Variants in CTNND2 observed in about 807,000 individuals in gnomAD.
CTNND2 encodes catenin delta 2.
A neutral mutation model predicts 144.4 loss-of-function variants in CTNND2; 22 were observed. The ratio of observed to expected loss-of-function variants is 0.15; its 90% CI spans 0.11 to 0.22. The LOEUF (loss-of-function observed/expected upper bound fraction) is 0.22. Ranked by LOEUF, CTNND2 falls within the 10% of genes least tolerant of loss-of-function variation. CTNND2 has a pLI of 1.00. For missense variants in CTNND2, 1,353 were observed against 1,618.8 expected (o/e 0.84, Z 2.82); for synonymous variants, 751 against 695.6 (o/e 1.08, Z -1.25).
intron 2 of CTNND2, among the ~76,000 whole-genome samples, chr5:11,714,873 A>G (rs1786264584): frequency 6.6e-6 from 1 of 151,468 alleles, no homozygotes; most frequent in South Asian, 2.1e-4. Flanking sequence ...AGATCCCACC[A>G]CTGCACTCCA....
At chr5:11,684,633 T>C (rs1784562906) in intron 2 of CTNND2, among the ~76,000 whole-genome samples, 1 of 152,222 alleles carries the variant, frequency 6.6e-6, no homozygotes, top group Admixed American at 6.5e-5. Context: ...GTACATGTAC[T>C]GTGCCTCCCA....
intron 13 of CTNND2, among the ~76,000 whole-genome samples, chr5:11,116,292 T>C (rs888648019): frequency 6.6e-6 from 1 of 152,188 alleles, no homozygotes; most frequent in African/African-American, 2.4e-5. Flanking sequence ...CTGTTGTTTG[T>C]TACTGGGGTG....
At chr5:11,622,004 A>G (rs933183832) in intron 2 of CTNND2, among the ~76,000 whole-genome samples, 3 of 152,212 alleles carry the variant, frequency 2.0e-5, no homozygotes, top group Non-Finnish European at 4.4e-5. Context: ...AATTAAAACT[A>G]AACTCAAATT....
chr5:10,979,432 A>C (rs1057320291), intron 21 of CTNND2, among the ~76,000 whole-genome samples: 4 of 152,242 alleles, frequency 2.6e-5, no homozygotes, highest in African/African-American at 9.6e-5. Context: ...CAACACATCA[A>C]ATAGGCCATG....
chr5:11,813,803 C>T (rs964235055), intron 1 of CTNND2, among the ~76,000 whole-genome samples: 3 of 152,178 alleles, frequency 2.0e-5, no homozygotes, highest in Non-Finnish European at 4.4e-5. Context: ...CATGAGCCAC[C>T]CCACTCAGCC....
chr5:11,543,668 T>C (rs1774959793), intron 3 of CTNND2, among the ~76,000 whole-genome samples: 1 of 152,008 alleles, frequency 6.6e-6, no homozygotes, highest in Non-Finnish European at 1.5e-5. Flanking sequence ...AGCAGTTCTT[T>C]TAATGATAAA....
At chr5:11,524,137 G>A (rs112370914) in intron 3 of CTNND2, among the ~76,000 whole-genome samples, 3 of 152,272 alleles carry the variant, frequency 2.0e-5, no homozygotes, top group African/African-American at 7.2e-5. Flanking sequence ...AAAGCCTGGG[G>A]CTGGAATCTG....
At chr5:11,902,282 G>T (rs769110151) in intron 1 of CTNND2, among the ~76,000 whole-genome samples, 1 of 152,124 alleles carries the variant, frequency 6.6e-6, no homozygotes, top group Non-Finnish European at 1.5e-5. Context: ...ACATTTGAGG[G>T]CAGTTTAAAG....
chr5:11,417,583 A>T (rs1157756152), intron 3 of CTNND2, among the ~76,000 whole-genome samples: 1 of 152,242 alleles, frequency 6.6e-6, no homozygotes, highest in African/African-American at 2.4e-5. Context: ...TTTGAGGAAT[A>T]AAAATTAAAC....
At chr5:11,751,612 A>G (rs1788627649) in intron 1 of CTNND2, among the ~76,000 whole-genome samples, 1 of 151,770 alleles carries the variant, frequency 6.6e-6, no homozygotes, top group Admixed American at 6.6e-5. Flanking sequence ...TATCTGCCAC[A>G]CTTTCTTTAA....
chr5:11,472,290 C>T (rs1018622727), intron 3 of CTNND2, among the ~76,000 whole-genome samples: 2 of 152,136 alleles, frequency 1.3e-5, no homozygotes, highest in African/African-American at 4.8e-5. Context: ...CAAGCCTTGA[C>T]GTAGCTTTGT....
intron 7 of CTNND2, among the ~76,000 whole-genome samples, chr5:11,367,689 G>C (rs961153803): frequency 1.3e-5 from 2 of 152,152 alleles, no homozygotes; most frequent in Non-Finnish European, 2.9e-5. Context: ...TGTTATAGAT[G>C]TCAAGGCCAA....
At chr5:10,992,244 A>G (rs910130295) in intron 19 of CTNND2, among the ~76,000 whole-genome samples, 5 of 152,142 alleles carry the variant, frequency 3.3e-5, no homozygotes, top group African/African-American at 9.7e-5. Flanking sequence ...AGTTGGAAAA[A>G]TTGTCCACGG....
At chr5:11,129,186 A>T (rs2023918) in intron 12 of CTNND2, among the ~76,000 whole-genome samples, 13 of 47,684 alleles carry the variant, frequency 2.7e-4, no homozygotes, top group East Asian at 2.1e-3. Context: ...TTTTATATAT[A>T]ATATATAATA....
At chr5:11,500,477 CA>C (rs1770428769) in intron 3 of CTNND2, among the ~76,000 whole-genome samples, 1 of 152,196 alleles carries the variant, frequency 6.6e-6, no homozygotes, top group African/African-American at 2.4e-5. Context: ...TGTTCACTGT[CA>C]TGGATGATGT....
intron 5 of CTNND2, among the ~76,000 whole-genome samples, chr5:11,409,260 G>C (rs1228711688): frequency 6.6e-6 from 1 of 151,732 alleles, no homozygotes; most frequent in African/African-American, 2.4e-5. Flanking sequence ...TTTTAGTGTT[G>C]GTAGATTTTT....
Position 11,725,809 on chromosome 5 carries a change from C to A in CTNND2, c.174+6327G>T, listed in dbSNP as rs190175542. On this transcript the variant is annotated intron_variant, in intron 2 of 21. Coordinates refer to ENST00000304623, the MANE Select transcript of CTNND2 (RefSeq NM_001332.4). ...TTTATTGTCTGTTCTTTTTAAAAAA[C>A]GTTTTTGAGATACTATTGAACATTG... 5.8e-3 allele frequency among the ~76,000 whole-genome samples: 886 copies of A among 151,786 alleles called. 10 individuals are homozygous for A. Among genetic ancestry groups the A allele is most frequent in the African/African-American group, 0.021 (846 of 41,114 alleles).
chr5:11,199,850 C>T (rs994236241), intron 10 of CTNND2, among the ~76,000 whole-genome samples, 189 bp from the exon 11 acceptor site: 1 of 152,196 alleles, frequency 6.6e-6, no homozygotes. Flanking sequence ...CTTTAATATC[C>T]TACCAATAAA....
rs550842423 is a variant in CTNND2 at position 11,559,752 on chromosome 5, G to A, written c.287+5192C>T. On this transcript the variant is annotated intron_variant, in intron 3 of 21. Coordinates refer to ENST00000304623, the MANE Select transcript of CTNND2 (RefSeq NM_001332.4). ...GTTGTCACCATCTTTCTCCTTCAGT[G>A]GGGGCTGTGGCTCTGCTGTCCTTGG... Among the ~76,000 whole-genome samples, 15 of 152,300 alleles carry A rather than the reference G, an allele frequency of 9.8e-5. 1 individual carries two copies. Among genetic ancestry groups the A allele is most frequent in the African/African-American group, 3.6e-4 (15 of 41,562 alleles).
Sources: allele counts gnomAD v4.1 joint callset (sites outside exome capture counted in the v4.1 genomes callset), GRCh38; gene constraint gnomAD v4.1.1; transcripts MANE v1.5; gene names NCBI Gene and HGNC (gene_info 2026-07-23, HGNC 2026-07-21).